The following ACAP2 variants were observed in gnomAD, a reference collection of about 807,000 sequenced individuals.
The protein encoded by ACAP2 is arf-GAP with coiled-coil, ANK repeat and PH domain-containing protein 2.
In ACAP2, 39 loss-of-function variants were observed where a neutral mutation model predicts 115.8. That is an observed-to-expected ratio of 0.34 (90% confidence interval 0.26 to 0.44). The LOEUF (loss-of-function observed/expected upper bound fraction) is 0.44. Ranked by LOEUF, ACAP2 falls within the 20% of genes least tolerant of loss-of-function variation. The pLI, the probability that ACAP2 is intolerant of heterozygous loss-of-function variation, is 1.00. For synonymous variants in ACAP2, 289 were observed against 315.8 expected, an observed-to-expected ratio of 0.92 and a Z score of 0.90; for missense variants, 662 against 927.6, an observed-to-expected ratio of 0.71 and a Z score of 3.72.
At chr3:195,412,725 G>A (rs1446607603) in intron 1 of ACAP2, 2 of 284,504 alleles carry the variant, frequency 7.0e-6, no homozygotes, top group Non-Finnish European at 1.4e-5. Flanking sequence ...AATCAGTCTT[G>A]AAGATAACAA....
chr3:195,325,042 G>C (rs889379857), intron 9 of ACAP2, among the ~76,000 whole-genome samples: 10 of 152,154 alleles, frequency 6.6e-5, no homozygotes, highest in Non-Finnish European at 1.5e-4. Context: ...AAGCTCATTA[G>C]TCACTGAAGA....
chr3:195,311,583 T>G (rs912435258), intron 10 of ACAP2, among the ~76,000 whole-genome samples: 4 of 152,200 alleles, frequency 2.6e-5, no homozygotes, highest in Admixed American at 1.3e-4. Flanking sequence ...GTTGCCCAGG[T>G]TGGAGTGCAA....
intron 11 of ACAP2, 129 bp from the exon 12 acceptor site, chr3:195,307,452 A>T: frequency 1.6e-6 from 1 of 611,972 alleles, no homozygotes; most frequent in South Asian, 2.2e-5. Flanking sequence ...TTTTAGAAAC[A>T]GGGGTTATCA....
intron 15 of ACAP2, among the ~76,000 whole-genome samples, chr3:195,299,945 TATAAAA>T (rs1727920344): frequency 6.8e-6 from 1 of 147,512 alleles, no homozygotes; most frequent in East Asian, 1.9e-4. Flanking sequence ...AAAATATTCT[TATAAAA>T]ATGAGTGAAT....
intron 6 of ACAP2, among the ~76,000 whole-genome samples, chr3:195,342,082 A>G (rs931773980): frequency 6.6e-6 from 1 of 152,190 alleles, no homozygotes; most frequent in African/African-American, 2.4e-5. Context: ...AAAAGCCCAC[A>G]CTTCACCACT....
rs922648447 is a variant in ACAP2 at position 195,312,667 on chromosome 3, A to T, written c.858-3830T>A. Among the ~76,000 whole-genome samples, 63 of 144,822 alleles carry T rather than the reference A, an allele frequency of 4.4e-4. No individual in the cohort carries two copies. The Middle Eastern group carries it at 0.018, about 42-fold the overall frequency. ...TTTTCAAAAAAATAAGATATGTTTAAAAAAAAAAGTAAATTACTCAATCTG... is the reference window on the plus strand; with the variant it reads ...TTTTCAAAAAAATAAGATATGTTTATAAAAAAAAGTAAATTACTCAATCTG... On this transcript the variant is annotated intron_variant, in intron 10 of 22. Transcript: ENST00000326793.
chr3:195,331,232 G>A (rs189838035), intron 8 of ACAP2, among the ~76,000 whole-genome samples: 8 of 151,382 alleles, frequency 5.3e-5, no homozygotes, highest in South Asian at 2.1e-4. Flanking sequence ...TCTTTCCCCC[G>A]TCTCAACACA....
chr3:195,402,253 G>GT (rs1171043744), intron 1 of ACAP2, among the ~76,000 whole-genome samples: 2 of 152,028 alleles, frequency 1.3e-5, no homozygotes, highest in Non-Finnish European at 2.9e-5. Flanking sequence ...TGCGGCCTGG[G>GT]GTCACGCAAA....
chr3:195,424,240 GTGTGGTGT>G (rs1243616118), intron 1 of ACAP2, among the ~76,000 whole-genome samples: 7 of 98,046 alleles, frequency 7.1e-5, no homozygotes, highest in African/African-American at 2.7e-4. Flanking sequence ...GTGTGTGTGT[GTGTGGTGT>G]GTGTGTGTGT....
chr3:195,295,680 A>G (rs773647025), intron 17 of ACAP2, 28 bp downstream of exon 17: 2 of 1,613,074 alleles, frequency 1.2e-6, no homozygotes, highest in Admixed American at 3.3e-5. Flanking sequence ...GAAAATAGCT[A>G]TAGACACAGT....
intron 12 of ACAP2, 129 bp from the exon 13 acceptor site, chr3:195,306,745 G>A (rs1172188622): frequency 6.2e-6 from 4 of 640,148 alleles, no homozygotes. Context: ...TTTGTTGAAA[G>A]AAGGTTTTAT....
intron 2 of ACAP2, among the ~76,000 whole-genome samples, chr3:195,384,373 T>C (rs1014817102): frequency 3.3e-5 from 5 of 152,212 alleles, no homozygotes; most frequent in African/African-American, 1.2e-4. Context: ...CTAATATTTT[T>C]GTTGAAATGG....
At chr3:195,351,445 T>C (rs1577342621) in intron 4 of ACAP2, among the ~76,000 whole-genome samples, 1 of 12,896 alleles carries the variant, frequency 7.8e-5, no homozygotes, top group African/African-American at 3.0e-4. Flanking sequence ...CTTTTTCGTG[T>C]GTGTGTGTGT....
rs1726153821 is a variant in ACAP2 at position 195,275,398 on chromosome 3, T to G, written c.*3930A>C. The stretch of plus-strand genomic sequence containing the variant: ...GTATGTGGTGAATTAAAATTACTTT[T>G]ATAATGTTTTGCTTTCATTAATGTT... On this transcript the variant is annotated 3_prime_UTR_variant, in exon 23 of 23. Coordinates refer to ENST00000326793, the MANE Select transcript of ACAP2 (RefSeq NM_012287.6). 6.6e-6 allele frequency: 1 copy of G among 152,250 alleles called. No individual in the cohort carries two copies. Among genetic ancestry groups the G allele is most frequent in the African/African-American group, 2.4e-5 (1 of 41,470 alleles). 9.4% of individuals were successfully genotyped at this position (152,250 alleles called of 1,614,324 possible). A position where few individuals can be genotyped will look rare whatever the true frequency, so the allele number is the denominator to read the frequency against.
At chr3:195,370,265 T>G (rs1018822820) in intron 4 of ACAP2, among the ~76,000 whole-genome samples, 1 of 152,202 alleles carries the variant, frequency 6.6e-6, no homozygotes, top group African/African-American at 2.4e-5. Context: ...AATTGTCAAT[T>G]TTTGCTTTTG....
chr3:195,332,292 T>C (rs560023355), intron 8 of ACAP2, among the ~76,000 whole-genome samples: 1 of 152,272 alleles, frequency 6.6e-6, no homozygotes, highest in African/African-American at 2.4e-5. Flanking sequence ...AAAAGAGCTA[T>C]AACTCAACTG....
intron 8 of ACAP2, among the ~76,000 whole-genome samples, chr3:195,328,467 G>A (rs758198183): frequency 2.6e-5 from 4 of 152,056 alleles, no homozygotes; most frequent in Admixed American, 1.3e-4. Flanking sequence ...TATAAAGTAC[G>A]TGATACAGGT....
intron 1 of ACAP2, 144 bp downstream of exon 1, chr3:195,442,651 A>C (rs1489877171): frequency 1.2e-6 from 1 of 818,250 alleles, no homozygotes; most frequent in Non-Finnish European, 1.8e-6. Context: ...GTGCCCTCGC[A>C]GGGTGGGAAA....
chr3:195,320,675 C>A, intron 10 of ACAP2, 26 bp downstream of exon 10: 3 of 1,507,582 alleles, frequency 2.0e-6, no homozygotes, highest in South Asian at 2.3e-5. Context: ...ATGTATAGAT[C>A]AAGACTAGTA....
Sources: allele counts gnomAD v4.1 joint callset (sites outside exome capture counted in the v4.1 genomes callset), GRCh38; gene constraint gnomAD v4.1.1; transcripts MANE v1.5; gene names NCBI Gene and HGNC (gene_info 2026-07-23, HGNC 2026-07-21).